The following SHB variants were observed in gnomAD, a reference collection of about 807,000 sequenced individuals.
SHB encodes the protein SH2 domain containing adaptor protein B, also known as SH2 domain-containing adapter protein B.
A neutral mutation model predicts 52.3 loss-of-function variants in SHB; 20 were observed. That is an observed-to-expected ratio of 0.38 (90% confidence interval 0.27 to 0.56). The LOEUF is 0.56. SHB is among the 20% of genes least tolerant of loss of function. The pLI is 0.71. For synonymous variants in SHB, 397 were observed against 316.5 expected (o/e 1.25, Z -2.70); for missense variants, 825 against 723.3 (o/e 1.14, Z -1.61).
intron 1 of SHB, among the ~76,000 whole-genome samples, chr9:38,047,799 C>G (rs1330695573): frequency 6.6e-6 from 1 of 152,216 alleles, no homozygotes; most frequent in Non-Finnish European, 1.5e-5. Context: ...GTTAAGCAAA[C>G]AAGGGTGTGA....
chr9:38,064,261 G>T (rs1821933008), intron 1 of SHB, among the ~76,000 whole-genome samples: 1 of 152,016 alleles, frequency 6.6e-6, no homozygotes, highest in African/African-American at 2.4e-5. Flanking sequence ...TTTATAGCCT[G>T]GATGCCCCTC....
chr9:38,061,436 C>T (rs1439620046), intron 1 of SHB, among the ~76,000 whole-genome samples: 1 of 152,270 alleles, frequency 6.6e-6, no homozygotes. Flanking sequence ...GAAAGTCACA[C>T]GTCCCAGTTT....
intron 1 of SHB, among the ~76,000 whole-genome samples, chr9:38,064,177 G>T (rs1268242348): frequency 6.6e-6 from 1 of 151,822 alleles, no homozygotes; most frequent in Non-Finnish European, 1.5e-5. Context: ...AGGAGCTCGG[G>T]ACCTCACCGT....
intron 3 of SHB, among the ~76,000 whole-genome samples, chr9:37,959,534 T>G (rs992409221): frequency 1.3e-5 from 2 of 152,172 alleles, no homozygotes; most frequent in Non-Finnish European, 2.9e-5. Flanking sequence ...CCTGACATCC[T>G]GGGGCTCCAC....
rs373997615 is a variant in SHB at position 37,916,542 on chromosome 9, G to C, written c.*3279C>G. Reference sequence around the variant, plus strand: ...CCACCCTGTTGACCGGACGCCTTGCGGGTAGCTGCTTCAGGTTTCCCTCCT... The same window carrying C: ...CCACCCTGTTGACCGGACGCCTTGCCGGTAGCTGCTTCAGGTTTCCCTCCT... On this transcript the variant is annotated 3_prime_UTR_variant, in exon 6 of 6. Coordinates refer to ENST00000377707, the MANE Select transcript of SHB (RefSeq NM_003028.3). 6.6e-6 allele frequency among the ~76,000 whole-genome samples: 1 copy of C among 152,232 alleles called. No homozygotes were observed. The highest frequency in any genetic ancestry group is 2.4e-5 in the African/African-American group (1 of 41,464).
intron 2 of SHB, among the ~76,000 whole-genome samples, chr9:37,982,397 G>A (rs1820743472): frequency 6.6e-6 from 1 of 152,098 alleles, no homozygotes; most frequent in South Asian, 2.1e-4. Context: ...GAAGGCTGAG[G>A]CAGGAGAATT....
At chr9:37,954,102 T>A (rs1182092682) in intron 4 of SHB, among the ~76,000 whole-genome samples, 1 of 152,144 alleles carries the variant, frequency 6.6e-6, no homozygotes, top group Admixed American at 6.5e-5. Context: ...AGTCACAGTT[T>A]GTTGATTAAA....
intron 1 of SHB, among the ~76,000 whole-genome samples, chr9:38,061,775 A>G (rs187785437): frequency 3.9e-4 from 60 of 152,312 alleles, no homozygotes; most frequent in African/African-American, 1.3e-3. Context: ...ATCAGGGCCA[A>G]TGTACCGCCA....
At chr9:37,948,785 C>T in intron 4 of SHB, 31 bp from the exon 5 acceptor site, 1 of 1,612,246 alleles carries the variant, frequency 6.2e-7, no homozygotes. Flanking sequence ...GGTCAGAGCC[C>T]AGCGCGATGG....
Position 37,983,553 on chromosome 9 carries a change from G to C in SHB, c.839-8716C>G, listed in dbSNP as rs571048002. ...AGGAGCCTTGCTGGAAATGATAGAC[G>C]CTGGCCTGCAGGCCCTTCACCTCTA... On this transcript the variant is annotated intron_variant, in intron 2 of 5. Coordinates refer to ENST00000377707, the MANE Select transcript of SHB (RefSeq NM_003028.3). Among the ~76,000 whole-genome samples, 88 of 152,260 alleles carry C rather than the reference G, an allele frequency of 5.8e-4. 1 individual carries two copies. Among genetic ancestry groups the C allele is most frequent in the African/African-American group, 2.1e-3 (86 of 41,548 alleles).
chr9:38,067,434 C>G lies in SHB; in HGVS notation c.717+495G>C, dbSNP rs1821984424. Among the ~76,000 whole-genome samples, 3 of 152,036 alleles carry G rather than the reference C, an allele frequency of 2.0e-5. 1 individual carries two copies. The South Asian group carries it at 6.2e-4, about 32-fold the overall frequency. ...AGGGCAGGGCCGGGCAGGGCAGCCG[C>G]GAGAGATTTACATATACACGCTGGA... On this transcript the variant is annotated intron_variant, in intron 1 of 5. Transcript: ENST00000377707.
intron 5 of SHB, among the ~76,000 whole-genome samples, chr9:37,922,972 C>T (rs1832201275): frequency 6.6e-6 from 1 of 152,228 alleles, no homozygotes; most frequent in African/African-American, 2.4e-5. Flanking sequence ...ACCTTCCCTC[C>T]ACCGCTGCCC....
chr9:38,002,892 A>G (rs914407117), intron 2 of SHB, among the ~76,000 whole-genome samples: 3 of 152,162 alleles, frequency 2.0e-5, no homozygotes, highest in African/African-American at 7.2e-5. Flanking sequence ...GAAATCACAC[A>G]TTTCTGCAAA....
At chr9:37,925,451 G>A (rs1832237610) in intron 5 of SHB, among the ~76,000 whole-genome samples, 2 of 152,222 alleles carry the variant, frequency 1.3e-5, no homozygotes, top group African/African-American at 4.8e-5. Context: ...GTCTCCCCCA[G>A]GGAGGCCACA....
intron 5 of SHB, among the ~76,000 whole-genome samples, chr9:37,927,501 T>G (rs1269840575): frequency 6.6e-6 from 1 of 152,126 alleles, no homozygotes; most frequent in Non-Finnish European, 1.5e-5. Flanking sequence ...GTGAAGGCCT[T>G]CAGTAAATCA....
chr9:37,976,836 G>A (rs1479959442), intron 2 of SHB, among the ~76,000 whole-genome samples: 1 of 152,166 alleles, frequency 6.6e-6, no homozygotes, highest in African/African-American at 2.4e-5. Context: ...CAGGAGTTAT[G>A]CTCCTTGAAG....
At chr9:37,982,850 T>C (rs1013987600) in intron 2 of SHB, among the ~76,000 whole-genome samples, 5 of 152,194 alleles carry the variant, frequency 3.3e-5, no homozygotes. Flanking sequence ...TAACATGTCT[T>C]ATGGTAAACA....
intron 1 of SHB, among the ~76,000 whole-genome samples, chr9:38,025,720 T>C (rs1477539970): frequency 1.3e-5 from 2 of 152,220 alleles, no homozygotes; most frequent in Non-Finnish European, 2.9e-5. Flanking sequence ...GCACAGCAAG[T>C]GCTCAGTGTC....
At chr9:38,039,456 C>A (rs114585685) in intron 1 of SHB, among the ~76,000 whole-genome samples, 365 of 152,384 alleles carry the variant, frequency 2.4e-3, no homozygotes, top group African/African-American at 8.5e-3. Flanking sequence ...CGAAGGGGGT[C>A]ATGGCCCTGG....
Sources: allele counts gnomAD v4.1 joint callset (sites outside exome capture counted in the v4.1 genomes callset), GRCh38; gene constraint gnomAD v4.1.1; transcripts MANE v1.5; gene names NCBI Gene and HGNC (gene_info 2026-07-23, HGNC 2026-07-21).